The following IPO9 variants were observed in gnomAD, a reference collection of about 807,000 sequenced individuals.
IPO9 encodes importin 9, also known as importin-9.
A neutral mutation model predicts 128.6 loss-of-function variants in IPO9; 28 were observed. The ratio of observed to expected loss-of-function variants is 0.22; its 90% CI spans 0.16 to 0.30. The LOEUF (loss-of-function observed/expected upper bound fraction) is 0.30, where lower values mean the gene tolerates loss of function less well. IPO9 is among the 10% of genes least tolerant of loss of function. IPO9 has a pLI of 1.00. For missense variants in IPO9, 935 were observed against 1,293.9 expected (o/e 0.72, Z 4.26); for synonymous variants, 455 against 475.8 (o/e 0.96, Z 0.57).
intron 19 of IPO9, among the ~76,000 whole-genome samples, chr1:201,871,841 C>T (rs1680659239): frequency 6.6e-6 from 1 of 152,192 alleles, no homozygotes; most frequent in African/African-American, 2.4e-5. Context: ...ACAGTCAACA[C>T]AGGTAGACTA....
At chr1:201,842,047 C>G (rs912603433) in intron 1 of IPO9, among the ~76,000 whole-genome samples, 1 of 152,064 alleles carries the variant, frequency 6.6e-6, no homozygotes, top group African/African-American at 2.4e-5. Flanking sequence ...ACCTGTCTAC[C>G]TGGAGATAGC....
rs796970718 is a variant in IPO9 at position 201,880,660 on chromosome 1, G to A, written c.*4606G>A. On this transcript the variant is annotated 3_prime_UTR_variant, in exon 24 of 24. Coordinates refer to ENST00000361565, the MANE Select transcript of IPO9 (RefSeq NM_018085.5). Reference sequence around the variant, plus strand: ...TATGAACCTCTATTAGATATGCAAGGCCGGTGCTAAATGCTGGAGGGCTTT... The same window carrying A: ...TATGAACCTCTATTAGATATGCAAGACCGGTGCTAAATGCTGGAGGGCTTT... 4.6e-5 allele frequency: 7 copies of A among 152,338 alleles called. No homozygotes were observed. In the East Asian group the frequency reaches 1.2e-3, roughly 25 times the overall value. 9.4% of individuals were successfully genotyped at this position (152,338 alleles called of 1,614,324 possible).
At chr1:201,864,810 G>A (rs1680519497) in intron 14 of IPO9, among the ~76,000 whole-genome samples, 2 of 152,112 alleles carry the variant, frequency 1.3e-5, no homozygotes, top group Non-Finnish European at 2.9e-5. Flanking sequence ...TTGTTTGTTT[G>A]TTTGTTTCAA....
intron 12 of IPO9, 82 bp downstream of exon 12, chr1:201,858,635 C>A: frequency 1.1e-6 from 1 of 929,672 alleles, no homozygotes; most frequent in Non-Finnish European, 1.6e-6. Flanking sequence ...TTATTTTTAT[C>A]TTAATTTGAA....
intron 4 of IPO9, among the ~76,000 whole-genome samples, chr1:201,849,656 C>G (rs189812552): frequency 2.0e-5 from 3 of 152,326 alleles, no homozygotes; most frequent in African/African-American, 7.2e-5. Flanking sequence ...TAGATAATAT[C>G]AACTCTTTGT....
At chr1:201,852,244 C>G (rs187158282) in intron 5 of IPO9, 52 bp downstream of exon 5, 243 of 1,196,260 alleles carry the variant, frequency 2.0e-4, no homozygotes, top group Non-Finnish European at 1.1e-5. Flanking sequence ...TCTTCAGCCC[C>G]CAGCCTTTCA....
chr1:201,831,399 A>G (rs1679830404), intron 1 of IPO9, among the ~76,000 whole-genome samples: 1 of 152,142 alleles, frequency 6.6e-6, no homozygotes, highest in South Asian at 2.1e-4. Context: ...AGAGGGTTGG[A>G]TCAGTCTCTG....
intron 13 of IPO9, 55 bp from the exon 14 acceptor site, chr1:201,863,393 A>G (rs756525188): frequency 2.0e-6 from 3 of 1,494,402 alleles, no homozygotes; most frequent in Non-Finnish European, 1.8e-6. Context: ...AAGAGAAAGA[A>G]CAAGTAAAAG....
At chr1:201,837,089 G>T (rs1374332993) in intron 1 of IPO9, among the ~76,000 whole-genome samples, 3 of 152,106 alleles carry the variant, frequency 2.0e-5, no homozygotes, top group Non-Finnish European at 4.4e-5. Flanking sequence ...GCTAACTTGG[G>T]TTTTTGGCCC....
At position 201,878,407 on chromosome 1, in the gene IPO9, A is replaced by C. The variant is rs1400598702; in HGVS notation, c.*2353A>C. Reference sequence around the variant, plus strand: ...GGGAAGGCTTAAGGCTCCCACACACAGACTGAGAATGATGGGGGTCCCTCT... The same window carrying C: ...GGGAAGGCTTAAGGCTCCCACACACCGACTGAGAATGATGGGGGTCCCTCT... On this transcript the variant is annotated 3_prime_UTR_variant, in exon 24 of 24. Coordinates refer to ENST00000361565, the MANE Select transcript of IPO9 (RefSeq NM_018085.5). The C allele has an allele frequency of 6.5e-6, 1 of 152,674 alleles. No homozygotes were observed. The highest frequency in any genetic ancestry group is 1.9e-4 in the East Asian group (1 of 5,202). The allele number at this position is 152,674 out of a possible 1,614,324, so 9.5% of individuals were successfully genotyped here. A position where few individuals can be genotyped will look rare whatever the true frequency, so the allele number is the denominator to read the frequency against.
At chr1:201,848,090 A>G (rs1372341994) in intron 3 of IPO9, among the ~76,000 whole-genome samples, 4 of 152,326 alleles carry the variant, frequency 2.6e-5, no homozygotes, top group South Asian at 2.1e-4. Flanking sequence ...CTAAAACAAT[A>G]GCTACTAGCT....
chr1:201,848,670 T>C (rs1052314702), intron 4 of IPO9, 76 bp downstream of exon 4: 34 of 1,438,122 alleles, frequency 2.4e-5, no homozygotes, highest in Middle Eastern at 2.4e-4. Flanking sequence ...CTATGTGATA[T>C]AATGGCCTGG....
intron 15 of IPO9, 118 bp from the exon 16 acceptor site, chr1:201,868,530 T>C: frequency 9.2e-7 from 1 of 1,083,866 alleles, no homozygotes; most frequent in Non-Finnish European, 1.3e-6. Context: ...GGGTATGTGA[T>C]AAGTAATCAA....
At position 201,858,937 on chromosome 1, in the gene IPO9, C is replaced by T. The variant is rs751582679; in HGVS notation, c.1411C>T (p.His471Tyr). Reference sequence around the variant, plus strand: ...TGACAGTGTGAAAAATGGCAGGATTCATTTTGACATGCATGGGTTCCTGAC... The same window carrying T: ...TGACAGTGTGAAAAATGGCAGGATTTATTTTGACATGCATGGGTTCCTGAC... ...ITDSVKNGRI[H>Y]FDMHGFLTNV... is the part of the protein sequence containing the mutation. The change falls in exon 13 of 24, where the codon CAT becomes TAT. Residue 471 changes from histidine to tyrosine, a missense_variant. Physicochemically the swap from His to Tyr is moderately conservative, Grantham distance 83. This residue lies in a region of IPO9 where 741 missense variants were observed against 1,019.1 expected (regional missense o/e 0.73). Transcript: ENST00000361565. 1 of 1,612,786 alleles carries T rather than the reference C, an allele frequency of 6.2e-7. No homozygotes were observed. Among genetic ancestry groups the T allele is most frequent in the Non-Finnish European group, 8.5e-7 (1 of 1,179,056 alleles).
intron 20 of IPO9, among the ~76,000 whole-genome samples, chr1:201,873,876 A>G (rs1246466753): frequency 1.3e-5 from 2 of 152,156 alleles, no homozygotes; most frequent in African/African-American, 4.8e-5. Context: ...AACTCCAATG[A>G]TTTGCAGGTA....
intron 13 of IPO9, 65 bp downstream of exon 13, chr1:201,859,059 A>G: frequency 1.3e-6 from 2 of 1,539,486 alleles, no homozygotes; most frequent in Non-Finnish European, 1.8e-6. Context: ...TGGGGGAGGG[A>G]TCAGCATTAG....
At chr1:201,856,881 C>T (rs1299066663) in intron 10 of IPO9, among the ~76,000 whole-genome samples, 1 of 152,010 alleles carries the variant, frequency 6.6e-6, no homozygotes, top group East Asian at 1.9e-4. Flanking sequence ...GAGGTGGGGT[C>T]TCACTATGTT....
intron 14 of IPO9, 103 bp from the exon 15 acceptor site, chr1:201,866,630 C>T (rs1680558919): frequency 1.2e-6 from 1 of 831,492 alleles, no homozygotes; most frequent in Non-Finnish European, 1.9e-6. Context: ...TTAGAATTAG[C>T]TTTATAAAGC....
chr1:201,831,336 C>T (rs1400890652), intron 1 of IPO9, among the ~76,000 whole-genome samples: 6 of 152,038 alleles, frequency 3.9e-5, no homozygotes, highest in Admixed American at 3.9e-4. Context: ...ATGCAGTGAC[C>T]TGATATTGGT....
Sources: allele counts gnomAD v4.1 joint callset (sites outside exome capture counted in the v4.1 genomes callset), GRCh38; gene constraint gnomAD v4.1.1; regional missense constraint gnomAD v4.1.1; transcripts MANE v1.5; gene names NCBI Gene and HGNC (gene_info 2026-07-23, HGNC 2026-07-21).